The following RALGDS variants were observed in gnomAD, a reference collection of about 807,000 sequenced individuals.
RALGDS encodes ral guanine nucleotide exchange factor.
Under a neutral mutation model 99.8 loss-of-function variants are expected in RALGDS, and 44 were observed. The ratio of observed to expected loss-of-function variants is 0.44; its 90% CI spans 0.35 to 0.57. RALGDS has a LOEUF of 0.57. Among genes scored for constraint, RALGDS ranks in the 20% least tolerant of loss-of-function variants. The pLI, the probability that RALGDS is intolerant of heterozygous loss-of-function variation, is 0.01. For synonymous variants in RALGDS, 529 were observed against 505.0 expected, an observed-to-expected ratio of 1.05 and a Z score of -0.64; for missense variants, 1,022 against 1,203.1, an observed-to-expected ratio of 0.85 and a Z score of 2.23.
intron 1 of RALGDS, among the ~76,000 whole-genome samples, chr9:133,126,946 G>T (rs1286414042): frequency 6.6e-6 from 1 of 152,196 alleles, no homozygotes; most frequent in Non-Finnish European, 1.5e-5. Context: ...ACCGCGGCCA[G>T]TGGGGTCTTG....
chr9:133,104,538 G>A (rs946600076), intron 9 of RALGDS: 6 of 592,464 alleles, frequency 1.0e-5, no homozygotes, highest in Non-Finnish European at 1.8e-5. Context: ...GCTGCATGGT[G>A]CGGTGGCTCA....
intron 1 of RALGDS, among the ~76,000 whole-genome samples, chr9:133,137,765 C>G (rs1832450812): frequency 6.6e-6 from 1 of 152,182 alleles, no homozygotes; most frequent in African/African-American, 2.4e-5. Flanking sequence ...CTGGTTTAAC[C>G]TAGGGGGTTT....
intron 16 of RALGDS, chr9:133,100,778 T>G: frequency 8.7e-7 from 1 of 1,153,376 alleles, no homozygotes; most frequent in Non-Finnish European, 1.1e-6. Flanking sequence ...GCCAGGATGC[T>G]CAGTGTGGTC....
In RALGDS at chr9:133,098,186, G is replaced by A. The variant is rs1045186318; in HGVS notation, c.*401C>T. 5.5e-6 allele frequency: 2 copies of A among 365,990 alleles called. No individual in the cohort carries two copies. Among genetic ancestry groups the A allele is most frequent in the Non-Finnish European group, 1.0e-5 (2 of 194,858 alleles). 22.7% of individuals were successfully genotyped at this position (365,990 alleles called of 1,614,324 possible). ...GAAGGTCACAGGCCAGTGCCTGTGG[G>A]CATGAGAGAACTGCAGTGGTCACAG... On this transcript the variant is annotated 3_prime_UTR_variant, in exon 18 of 18. Coordinates refer to ENST00000372050, the MANE Select transcript of RALGDS (RefSeq NM_006266.4).
chr9:133,133,406 C>T (rs1372148089), upstream of RALGDS, among the ~76,000 whole-genome samples: 2 of 152,212 alleles, frequency 1.3e-5, no homozygotes, highest in African/African-American at 4.8e-5. Flanking sequence ...CACCCCTCCT[C>T]CCACCCACGT....
In RALGDS at chr9:133,119,895, C is replaced by T. The variant is rs72769432; in HGVS notation, c.183+1077G>A. ...CTAGGTACCGGGACACCAAGAGGCA[C>T]GAGACTCAGGCTAACAATCGCCAGC... On this transcript the variant is annotated intron_variant, in intron 1 of 17. Transcript: ENST00000372050. 4.0e-3 allele frequency among the ~76,000 whole-genome samples: 616 copies of T among 152,258 alleles called. 1 individual carries two copies. The highest frequency in any genetic ancestry group is 7.2e-3 in the Non-Finnish European group (489 of 68,016).
chr9:133,127,903 G>A (rs1419479955), intron 1 of RALGDS, among the ~76,000 whole-genome samples: 2 of 152,250 alleles, frequency 1.3e-5, no homozygotes, highest in Non-Finnish European at 2.9e-5. Context: ...AACAAGGTGT[G>A]CCGATGCCGG....
rs769192366 is a variant in RALGDS, at chr9:133,103,831, G to A, written c.1674C>T (p.Gly558=). 1.9e-6 allele frequency: 3 copies of A among 1,612,806 alleles called. No homozygotes were observed. The highest frequency in any genetic ancestry group is 1.7e-5 in the Admixed American group (1 of 60,000). The part of the protein sequence containing the change: ...KRAQKRPKET[G]IIQGTVPYLG... ...GGTAGGGAACGGTGCCCTGGATGAT[G>A]CCCTGTGACATTGGGGTAGGAGGAT... The change falls in exon 11 of 18, where the codon GGC becomes GGT. Residue 558 remains glycine (G), a splice_region_variant and synonymous_variant. Transcript: ENST00000372050.
chr9:133,128,970 C>T (rs1204371806), intron 1 of RALGDS, among the ~76,000 whole-genome samples: 1 of 152,214 alleles, frequency 6.6e-6, no homozygotes, highest in Non-Finnish European at 1.5e-5. Context: ...AGTCTCCTCT[C>T]TCATACCCGA....
chr9:133,133,471 C>T (rs1832377392), upstream of RALGDS, among the ~76,000 whole-genome samples: 1 of 152,218 alleles, frequency 6.6e-6, no homozygotes, highest in Non-Finnish European at 1.5e-5. Context: ...TCTTTGTTCC[C>T]TGCTGGCCAG....
intron 1 of RALGDS, among the ~76,000 whole-genome samples, chr9:133,116,123 G>GC (rs1378756942): frequency 8.4e-6 from 1 of 119,538 alleles, no homozygotes; most frequent in East Asian, 2.4e-4. Context: ...GAGGTGGAAC[G>GC]CAAGGGCCTC....
intron 1 of RALGDS, among the ~76,000 whole-genome samples, chr9:133,137,290 G>C (rs941323411): frequency 6.6e-5 from 10 of 152,242 alleles, no homozygotes; most frequent in Admixed American, 2.0e-4. Flanking sequence ...CCATGGCGGG[G>C]AGTTTGTAAG....
At position 133,105,918 on chromosome 9, in the gene RALGDS, T is replaced by C. The variant is rs572914337; in HGVS notation, c.1602+14A>G. 4.5e-5 allele frequency: 60 copies of C among 1,331,018 alleles called. 1 individual carries two copies. The highest frequency in any genetic ancestry group is 1.5e-4 in the South Asian group (12 of 82,148). 82.5% of individuals were successfully genotyped at this position (1,331,018 alleles called of 1,614,324 possible). A position where few individuals can be genotyped will look rare whatever the true frequency, so the allele number is the denominator to read the frequency against. ...CCCCGCCCCAGCCCCCGCCCCAGCC[T>C]GCCGCCACTCCACCTTGATGAGCAG... is the stretch of plus-strand genomic sequence containing the variant. On this transcript the variant is annotated intron_variant, in intron 9 of 17. Transcript: ENST00000372050.
Position 133,121,109 on chromosome 9 carries a change from C to T in RALGDS, c.46G>A (p.Ala16Thr). 6.8e-7 allele frequency: 1 copy of T among 1,469,930 alleles called. No homozygotes were observed. The highest frequency in any genetic ancestry group is 9.0e-7 in the Non-Finnish European group (1 of 1,116,112). The allele number at this position is 1,469,930 out of a possible 1,614,324, so 91.1% of individuals were successfully genotyped here. The change falls in exon 1 of 18, where the codon GCC (alanine) becomes ACC (threonine). Residue 16 changes from alanine (A) to threonine (T), a missense_variant. Ala to Thr is a moderately conservative substitution (Grantham distance 58, BLOSUM62 0). This residue lies in a region of RALGDS where 180 missense variants were observed against 169.3 expected (regional missense o/e 1.06). Transcript: ENST00000372050. Reference protein sequence around the residue: ...WAEAAGPAGGAEPLFPGSRRS... With the variant: ...WAEAAGPAGGTEPLFPGSRRS... ...CGGGAGCCCGGAAACAGCGGCTCGGCGCCGCCAGCAGGCCCGGCCGCCTCG... is the reference window on the plus strand; with the variant it reads ...CGGGAGCCCGGAAACAGCGGCTCGGTGCCGCCAGCAGGCCCGGCCGCCTCG...
intron 1 of RALGDS, among the ~76,000 whole-genome samples, chr9:133,130,499 AC>A (rs1300849309): frequency 6.6e-6 from 1 of 152,144 alleles, no homozygotes; most frequent in Non-Finnish European, 1.5e-5. Context: ...TAATAATATT[AC>A]CACCACTACT....
chr9:133,106,614 G>GCGC, intron 8 of RALGDS, 31 bp downstream of exon 8: 1 of 1,515,952 alleles, frequency 6.6e-7, no homozygotes, highest in East Asian at 2.3e-5. Flanking sequence ...GGTCCCTGGT[G>GCGC]CACCAGGAGC....
chr9:133,131,396 C>T (rs748056340), upstream of RALGDS, among the ~76,000 whole-genome samples: 11 of 152,056 alleles, frequency 7.2e-5, no homozygotes, highest in Admixed American at 6.5e-4. Flanking sequence ...GTCACCTCCA[C>T]TAAAATCCCT....
At chr9:133,111,306 G>A (rs759293847) in intron 2 of RALGDS, among the ~76,000 whole-genome samples, 1 of 152,130 alleles carries the variant, frequency 6.6e-6, no homozygotes, top group African/African-American at 2.4e-5. Context: ...GTTTTGTTTT[G>A]TTTTGAGACA....
rs1473632074 is a variant in RALGDS at position 133,144,529 on chromosome 9, C to T, written c.18+4434G>A. Among the ~76,000 whole-genome samples the T allele has an allele frequency of 1.3e-5, 2 of 152,246 alleles. No homozygotes were observed. The highest frequency in any genetic ancestry group is 1.3e-4 in the Admixed American group (2 of 15,292). ...CAGCTGTGCGCAAGCTCCTCGCGAC[C>T]CGAAAGCGAGACCTTTGTCTGCGGC... On this transcript the variant is annotated intron_variant, in intron 1 of 17. Coordinates refer to the RALGDS transcript ENST00000393160. This position sits in a 1 kb window ranked among gnomAD's most constrained non-coding sequence, Gnocchi z 4.5.
Sources: gnomAD v4.1 joint callset for allele counts (sites outside exome capture counted in the v4.1 genomes callset) on GRCh38, gnomAD v4.1.1 for gene constraint, gnomAD v4.1.1 regional missense constraint, Gnocchi (gnomAD v3.1) non-coding constraint, MANE v1.5 for transcripts, NCBI Gene and HGNC (gene_info 2026-07-23, HGNC 2026-07-21) for gene names.